The following LRIG1 variants were observed in gnomAD, a reference collection of about 807,000 sequenced individuals.
The protein encoded by LRIG1 is leucine rich repeats and immunoglobulin like domains 1.
Under a neutral mutation model 99.2 loss-of-function variants are expected in LRIG1, and 48 were observed. The observed-to-expected ratio is 0.48, with a 90% CI of 0.38 to 0.62. LRIG1 has a LOEUF of 0.62. Among genes scored for constraint, LRIG1 ranks in the 20% least tolerant of loss-of-function variants. The pLI is 0.00. For synonymous variants in LRIG1, 772 were observed against 596.1 expected (o/e 1.29, Z -4.30); for missense variants, 1,646 against 1,434.4 (o/e 1.15, Z -2.38).
intron 12 of LRIG1, chr3:66,387,988 TCCCAGCTACTAGGGAGG>T (rs1701460438): frequency 6.7e-6 from 1 of 148,918 alleles, no homozygotes; most frequent in Non-Finnish European, 1.5e-5. Flanking sequence ...GTGCCTGTAG[TCCCAGCTACTAGGGAGG>T]CCGAGGCAGG....
chr3:66,400,055 C>A (rs142683031), intron 9 of LRIG1, among the ~76,000 whole-genome samples: 2 of 152,232 alleles, frequency 1.3e-5, no homozygotes, highest in Admixed American at 1.3e-4. Flanking sequence ...CAACCTCCAA[C>A]GTTATCGCTA....
intron 13 of LRIG1, 69 bp downstream of exon 13, chr3:66,385,912 A>G: frequency 7.2e-7 from 1 of 1,381,796 alleles, no homozygotes; most frequent in Non-Finnish European, 1.0e-6. Context: ...CTACATGGAA[A>G]GCTGAAAGGG....
chr3:66,416,709 ATAAGC>A (rs1702625815), intron 4 of LRIG1, among the ~76,000 whole-genome samples: 1 of 152,230 alleles, frequency 6.6e-6, no homozygotes, highest in South Asian at 2.1e-4. Flanking sequence ...ATAAGCACTG[ATAAGC>A]TAAGCCCTGT....
At chr3:66,387,498 A>C (rs987251823) in intron 12 of LRIG1, 2 of 152,196 alleles carry the variant, frequency 1.3e-5, no homozygotes, top group Admixed American at 1.3e-4. Context: ...CAGGGACTTA[A>C]GGGGACGGAC....
At chr3:66,443,119 TG>T in intron 3 of LRIG1, among the ~76,000 whole-genome samples, 1 of 152,276 alleles carries the variant, frequency 6.6e-6, no homozygotes, top group Non-Finnish European at 1.5e-5. Flanking sequence ...ACGGAATCCC[TG>T]GGAAGTTTCC....
intron 1 of LRIG1, chr3:66,469,012 T>G (rs114402977): frequency 6.6e-6 from 1 of 152,318 alleles, no homozygotes; most frequent in African/African-American, 2.4e-5. Flanking sequence ...TGCTTCCCCT[T>G]GTTAACCAAA....
At chr3:66,421,761 A>G (rs368821804) in intron 3 of LRIG1, among the ~76,000 whole-genome samples, 1 of 152,182 alleles carries the variant, frequency 6.6e-6, no homozygotes, top group African/African-American at 2.4e-5. Flanking sequence ...CCTAGCAGAC[A>G]TTCTTCATGA....
intron 6 of LRIG1, among the ~76,000 whole-genome samples, chr3:66,411,129 C>T (rs1303498779): frequency 3.3e-5 from 5 of 152,204 alleles, no homozygotes; most frequent in Non-Finnish European, 7.3e-5. Context: ...CTCTCAGGCC[C>T]ACCGTGTAAG....
chr3:66,402,533 A>C (rs1442959552), intron 9 of LRIG1, among the ~76,000 whole-genome samples: 1 of 151,960 alleles, frequency 6.6e-6, no homozygotes, highest in Non-Finnish European at 1.5e-5. Context: ...AAACATTTTA[A>C]TTTAGGTCTG....
intron 2 of LRIG1, among the ~76,000 whole-genome samples, chr3:66,457,870 G>C (rs1269439960): frequency 6.6e-6 from 1 of 152,160 alleles, no homozygotes; most frequent in African/African-American, 2.4e-5. Context: ...GATTATACTG[G>C]AGAACATGGG....
intron 1 of LRIG1, among the ~76,000 whole-genome samples, chr3:66,473,310 A>T (rs1700645494): frequency 6.6e-6 from 1 of 152,184 alleles, no homozygotes; most frequent in South Asian, 2.1e-4. Context: ...AGCTGCTTGT[A>T]AGAAAAACCC....
At chr3:66,485,131 C>A (rs1031320742) in intron 1 of LRIG1, among the ~76,000 whole-genome samples, 9 of 149,162 alleles carry the variant, frequency 6.0e-5, no homozygotes, top group African/African-American at 2.2e-4. Context: ...GTACTCCAAC[C>A]TGGGTGACAG....
chr3:66,413,101 A>C (rs1575671722), intron 5 of LRIG1, 87 bp from the exon 6 acceptor site: 1 of 1,487,340 alleles, frequency 6.7e-7, no homozygotes, highest in Non-Finnish European at 9.3e-7. Context: ...CTAAGTTTCC[A>C]AGCCAGAGGA....
intron 9 of LRIG1, among the ~76,000 whole-genome samples, chr3:66,402,261 G>A (rs955135234): frequency 1.3e-5 from 2 of 152,096 alleles, no homozygotes; most frequent in African/African-American, 2.4e-5. Context: ...CTGTGCCATC[G>A]TGCAGGCCCC....
chr3:66,458,463 G>C (rs1440980527), intron 2 of LRIG1, among the ~76,000 whole-genome samples: 2 of 152,350 alleles, frequency 1.3e-5, no homozygotes, highest in South Asian at 2.1e-4. Context: ...AGCACACTGG[G>C]AGGCCAAGGC....
At chr3:66,499,882 C>T (rs547348962) in intron 1 of LRIG1, among the ~76,000 whole-genome samples, 41 of 148,140 alleles carry the variant, frequency 2.8e-4, no homozygotes, top group African/African-American at 1.0e-3. Flanking sequence ...CACTCACTCA[C>T]CCCCAGATGG....
chr3:66,487,080 T>C (rs757389168), intron 1 of LRIG1, among the ~76,000 whole-genome samples: 21 of 152,260 alleles, frequency 1.4e-4, no homozygotes, highest in African/African-American at 4.6e-4. Flanking sequence ...ATCTGATTCT[T>C]TGAAGTGGTT....
intron 14 of LRIG1, 38 bp from the exon 15 acceptor site, chr3:66,383,439 G>T (rs774851516): frequency 3.3e-6 from 5 of 1,498,062 alleles, no homozygotes; most frequent in Non-Finnish European, 3.6e-6. Context: ...CATTCTCAGG[G>T]CCTCCGTTGC....
intron 14 of LRIG1, 70 bp downstream of exon 14, chr3:66,383,921 G>A (rs1436289405): frequency 6.5e-7 from 1 of 1,550,272 alleles, no homozygotes; most frequent in East Asian, 2.3e-5. Context: ...TGGCCACACA[G>A]AGCATTTGAG....
Sources: gnomAD v4.1 joint callset for allele counts (sites outside exome capture counted in the v4.1 genomes callset) on GRCh38, gnomAD v4.1.1 for gene constraint, MANE v1.5 for transcripts, NCBI Gene and HGNC (gene_info 2026-07-23, HGNC 2026-07-21) for gene names.